Variants in WNK3 observed in about 807,000 individuals in gnomAD.
WNK3 encodes the protein serine/threonine-protein kinase WNK3.
In WNK3, 18 loss-of-function variants were observed where a neutral mutation model predicts 116.7. That is an observed-to-expected ratio of 0.15 (90% CI 0.11 to 0.23). WNK3 has a LOEUF of 0.23. Among genes scored for constraint, WNK3 ranks in the 10% least tolerant of loss-of-function variants. The pLI is 1.00. For synonymous variants in WNK3, 404 were observed against 469.4 expected (o/e 0.86, Z 1.80); for missense variants, 993 against 1,323.8 (o/e 0.75, Z 3.88).
intron 3 of WNK3, among the ~76,000 whole-genome samples, chrX:54,309,889 G>T (rs1223949645): frequency 9.0e-6 from 1 of 110,764 alleles, no homozygotes; most frequent in African/African-American, 3.3e-5. Context: ...TTTGTAGAAT[G>T]GCAGCACAAT....
chrX:54,302,733 A>C (rs6521753), intron 5 of WNK3, among the ~76,000 whole-genome samples: 6,706 of 31,635 alleles, frequency 0.21, 433 homozygotes, highest in East Asian at 0.28. Flanking sequence ...CTCTCTCTCT[A>C]TATATATATA....
At chrX:54,260,225 T>C (rs1461061922) in intron 10 of WNK3, among the ~76,000 whole-genome samples, 2 of 112,239 alleles carry the variant, frequency 1.8e-5, no homozygotes, top group East Asian at 5.6e-4. Context: ...CTGAGAAATT[T>C]TTTCCTGCAT....
At chrX:54,233,813 A>G (rs1413145802) in intron 20 of WNK3, among the ~76,000 whole-genome samples, 3 of 82,605 alleles carry the variant, frequency 3.6e-5, no homozygotes, top group African/African-American at 5.5e-5. Context: ...TGTCTCTCTG[A>G]AAAAAAAAAA....
At chrX:54,303,157 T>C (rs1250757489) in intron 5 of WNK3, among the ~76,000 whole-genome samples, 2 of 108,169 alleles carry the variant, frequency 1.8e-5, no homozygotes, top group African/African-American at 6.7e-5. Context: ...TGTATGGGTA[T>C]ATATGTATAT....
At chrX:54,328,105 AC>A (rs2069127203) in intron 2 of WNK3, among the ~76,000 whole-genome samples, 1 of 110,708 alleles carries the variant, frequency 9.0e-6, no homozygotes, top group African/African-American at 3.3e-5. Flanking sequence ...AATTGATAAG[AC>A]AAAAGTATGG....
At chrX:54,210,867 G>A (rs2067605630) in intron 22 of WNK3, among the ~76,000 whole-genome samples, 1 of 111,478 alleles carries the variant, frequency 9.0e-6, no homozygotes, top group South Asian at 3.8e-4. Context: ...TTGTCCTAAG[G>A]AATACAACAA....
chrX:54,302,060 C>T (rs1187450365), intron 5 of WNK3, among the ~76,000 whole-genome samples: 1 of 110,804 alleles, frequency 9.0e-6, no homozygotes, highest in Non-Finnish European at 1.9e-5. Context: ...GTAAAAAAAC[C>T]TTAAATAATC....
chrX:54,228,595 C>A, intron 22 of WNK3, 119 bp downstream of exon 22: 1 of 353,536 alleles, frequency 2.8e-6, no homozygotes, highest in Non-Finnish European at 5.1e-6. Flanking sequence ...GTGGTAATAG[C>A]TGCACAAGTC....
intron 17 of WNK3, 146 bp from the exon 18 acceptor site, chrX:54,239,245 T>C (rs1603379431): frequency 2.6e-6 from 1 of 389,284 alleles, no homozygotes; most frequent in Non-Finnish European, 4.1e-6. Flanking sequence ...GACTAATCTT[T>C]AACCCAAAAT....
chrX:54,317,538 T>C (rs902284791), intron 2 of WNK3, among the ~76,000 whole-genome samples: 1 of 111,317 alleles, frequency 9.0e-6, no homozygotes, highest in South Asian at 3.8e-4. Flanking sequence ...ATTCCACTTA[T>C]ATGAGGTACC....
intron 22 of WNK3, chrX:54,223,521 G>T: frequency 8.5e-6 from 1 of 117,158 alleles, no homozygotes; most frequent in South Asian, 3.0e-4. Context: ...CAGCAGCAAG[G>T]ATCTATATAT....
In WNK3 at chrX:54,238,729, T is replaced by C. The variant is rs1603379250; in HGVS notation, c.3883+139A>G. On this transcript the variant is annotated intron_variant, in intron 18 of 23. Transcript: ENST00000354646. ...TTAGTTACAAAAGGAAAAAATAAAA[T>C]GGCAATGACATTAATGGGACATGTC... The C allele has an allele frequency of 2.2e-5, 12 of 543,567 alleles. No homozygotes were observed. In the East Asian group the frequency reaches 4.1e-4, roughly 19 times the overall value. 44.8% of individuals were successfully genotyped at this position (543,567 alleles called of 1,213,427 possible).
In WNK3 at chrX:54,213,158, A is replaced by T. The variant is rs782741453; in HGVS notation, c.4871-10965T>A. 8.0e-4 allele frequency among the ~76,000 whole-genome samples: 87 copies of T among 109,220 alleles called. 2 individuals are homozygous for T. Among genetic ancestry groups the T allele is most frequent in the Admixed American group, 1.9e-3 (19 of 10,118 alleles). The allele number at this position is 109,220 out of a possible 115,157, so 94.8% of individuals were successfully genotyped here. A position where few individuals can be genotyped will look rare whatever the true frequency, so the allele number is the denominator to read the frequency against. On this transcript the variant is annotated intron_variant, in intron 22 of 23. Coordinates refer to ENST00000354646, the Ensembl canonical transcript of WNK3. ...ACCATGACGGGCTAATTTTTTTTTT[A>T]AATTTTTTGTAGATATGGGGTGTCA...
intron 7 of WNK3, 53 bp from the exon 8 acceptor site, chrX:54,294,900 C>CA: frequency 2.2e-6 from 2 of 899,684 alleles, no homozygotes; most frequent in Non-Finnish European, 1.5e-6. Flanking sequence ...AAGATTTTAA[C>CA]TTTTTTTTTT....
At chrX:54,332,747 G>T (rs1741589496) in intron 2 of WNK3, among the ~76,000 whole-genome samples, 1 of 108,486 alleles carries the variant, frequency 9.2e-6, no homozygotes, top group Non-Finnish European at 1.9e-5. Flanking sequence ...AATTAGCGGG[G>T]CGTAGTGGCG....
intron 13 of WNK3, among the ~76,000 whole-genome samples, chrX:54,252,224 T>C (rs2068140940): frequency 9.0e-6 from 1 of 111,366 alleles, no homozygotes. Flanking sequence ...ATTTCTCAGA[T>C]TGGCACTACC....
At position 54,308,090 on chromosome X, in the gene WNK3, A is replaced by C; in HGVS notation, c.932-11T>G. On this transcript the variant is annotated splice_polypyrimidine_tract_variant and intron_variant, in intron 4 of 23. Transcript: ENST00000354646. ...TAAACTCAGGAGTTCCTACAAAATA[A>C]CACCACCACCACATTCTTATAGAAG... 12 of 1,173,802 alleles carry C rather than the reference A, an allele frequency of 1.0e-5. No individual in the cohort carries two copies. Among genetic ancestry groups the C allele is most frequent in the Non-Finnish European group, 1.4e-5 (12 of 873,287 alleles).
intron 17 of WNK3, among the ~76,000 whole-genome samples, chrX:54,243,314 G>A (rs1320297012): frequency 2.8e-5 from 3 of 106,597 alleles, no homozygotes; most frequent in Non-Finnish European, 3.9e-5. Context: ...CTAGCTACTC[G>A]GGAGGCTGAG....
At chrX:54,340,902 AAC>A (rs1352839713) in intron 1 of WNK3, among the ~76,000 whole-genome samples, 1 of 111,923 alleles carries the variant, frequency 8.9e-6, no homozygotes, top group African/African-American at 3.2e-5. Flanking sequence ...GCTGCTTTGG[AAC>A]ACAGTCTGGC....
Sources: gnomAD v4.1 joint callset for allele counts (sites outside exome capture counted in the v4.1 genomes callset) on GRCh38, gnomAD v4.1.1 for gene constraint, MANE v1.5 for transcripts, NCBI Gene and HGNC (gene_info 2026-07-23, HGNC 2026-07-21) for gene names.